Variants in NUP85 observed in about 807,000 individuals in gnomAD.
The protein encoded by NUP85 is nuclear pore complex protein Nup85.
In NUP85, 23 loss-of-function variants were observed where a neutral mutation model predicts 92.8. That is an observed-to-expected ratio of 0.25 (90% CI 0.18 to 0.35). The LOEUF is 0.35. Among genes scored for constraint, NUP85 ranks in the 10% least tolerant of loss-of-function variants. The probability of loss-of-function intolerance (pLI) is 1.00; values close to 1 mark genes in which losing one functional copy is unlikely to be tolerated. For synonymous variants in NUP85, 314 were observed against 306.9 expected (o/e 1.02, Z -0.24); for missense variants, 759 against 822.8 (o/e 0.92, Z 0.95).
chr17:75,234,134 C>T (rs191497602), intron 16 of NUP85, among the ~76,000 whole-genome samples: 251 of 151,290 alleles, frequency 1.7e-3, no homozygotes, highest in African/African-American at 5.9e-3. Flanking sequence ...TCACTGCAAC[C>T]TCCACCTCCC....
chr17:75,208,435 T>C (rs899326), intron 1 of NUP85, 92 bp from the exon 2 acceptor site: 578,035 of 740,404 alleles, frequency 0.78, 227,050 homozygotes, highest in East Asian at 0.89. Context: ...AGTGAGTCTT[T>C]GTCTCAAAAA....
chr17:75,235,555 T>C, intron 18 of NUP85, 23 bp from the exon 19 acceptor site: 2 of 1,580,732 alleles, frequency 1.3e-6, no homozygotes, highest in Non-Finnish European at 1.7e-6. Context: ...TCTTAGCTCA[T>C]GCTGGCGCTC....
At chr17:75,227,932 T>TGCCC in intron 11 of NUP85, 1 of 152,970 alleles carries the variant, frequency 6.5e-6, no homozygotes, top group East Asian at 1.9e-4. Context: ...TAAGCCACCA[T>TGCCC]GCCCGGCCTG....
Position 75,231,914 on chromosome 17 carries a change from T to C in NUP85, c.1331T>C (p.Leu444Pro). Residue 444 changes from leucine (L) to proline (P), a missense_variant, in exon 14 of 19, where the codon CTG becomes CCG. Leu to Pro is a moderately conservative substitution (Grantham distance 98). Transcript: ENST00000245544. The surrounding 1 kb of genome is among the most constrained non-coding windows in gnomAD (Gnocchi z 4.6). The stretch of plus-strand genomic sequence containing the variant: ...GAGCTGCACATTGAGCGGATACCTC[T>C]GAACACCGAGCAGAAAGCCCTGAAG... ...SLELHIERIP[L>P]NTEQKALKVL... The C allele has an allele frequency of 1.2e-6, 2 of 1,614,216 alleles. No individual in the cohort carries two copies. The highest frequency in any genetic ancestry group is 1.1e-5 in the South Asian group (1 of 91,090).
intron 11 of NUP85, chr17:75,229,098 C>T (rs1214949910): frequency 1.6e-5 from 16 of 985,336 alleles, no homozygotes; most frequent in Non-Finnish European, 1.9e-5. Flanking sequence ...TTTCCTGGTG[C>T]CCTTCAAGTC....
chr17:75,221,871 G>T (rs1401365353), intron 7 of NUP85, among the ~76,000 whole-genome samples: 1 of 152,150 alleles, frequency 6.6e-6, no homozygotes, highest in Non-Finnish European at 1.5e-5. Flanking sequence ...GTAAAAGATG[G>T]TGGTGGTGTA....
chr17:75,235,584 G>A lies in NUP85; in HGVS notation c.1876G>A (p.Asp626Asn). The change falls in exon 19 of 19, where the codon GAC (aspartate) becomes AAC (asparagine). Residue 626 changes from aspartate (D) to asparagine (N), a missense_variant. Transcript: ENST00000245544. ...ESDTEQLQDDDIETTKVEMLR... is the reference protein window; with the variant it reads ...ESDTEQLQDDNIETTKVEMLR... ...GGCGCTCTCTGCTTTGCAGGATGATGACATAGAGACCACCAAGGTGGAAAT... is the reference window on the plus strand; with the variant it reads ...GGCGCTCTCTGCTTTGCAGGATGATAACATAGAGACCACCAAGGTGGAAAT... The A allele has an allele frequency of 6.2e-7, 1 of 1,613,358 alleles. No individual in the cohort carries two copies. Among genetic ancestry groups the A allele is most frequent in the Middle Eastern group, 1.7e-4 (1 of 6,058 alleles).
intron 3 of NUP85, 109 bp from the exon 4 acceptor site, chr17:75,211,883 G>C (rs1057117750): frequency 1.2e-6 from 1 of 830,496 alleles, no homozygotes. Context: ...CTTCACAACG[G>C]CTCTCCTCTT....
At chr17:75,228,663 A>G (rs947665912) in intron 11 of NUP85, 12 of 985,302 alleles carry the variant, frequency 1.2e-5, no homozygotes, top group Non-Finnish European at 1.3e-5. Context: ...GACTTGAGCC[A>G]GTGAGCTGTT....
chr17:75,205,725 C>G lies in NUP85; in HGVS notation c.-37C>G. ...GGGAGGCCTGAGCGGGAAGCATTGG[C>G]GTCCGAGCGACTTCTAGGAGCCTGG... On this transcript the variant is annotated 5_prime_UTR_variant, in exon 1 of 19. Coordinates refer to ENST00000245544, the MANE Select transcript of NUP85 (RefSeq NM_024844.5). The G allele has an allele frequency of 6.2e-7, 1 of 1,613,842 alleles. No homozygotes were observed. Among genetic ancestry groups the G allele is most frequent in the South Asian group, 1.1e-5 (1 of 91,080 alleles).
chr17:75,213,156 T>C (rs2075324780), intron 5 of NUP85, 37 bp downstream of exon 5: 13 of 1,604,326 alleles, frequency 8.1e-6, no homozygotes, highest in Non-Finnish European at 1.1e-5. Context: ...AGCACCACTG[T>C]GTCCTGTGTC....
At position 75,231,557 on chromosome 17, in the gene NUP85, T is replaced by C. The variant is rs761461241; in HGVS notation, c.1179-16T>C. ...GCAGGCCAGGAGTCTTGGTCTTTTG[T>C]TATGTTTTATTCCAGTTTCGGTTCC... is the stretch of plus-strand genomic sequence containing the variant. On this transcript the variant is annotated splice_polypyrimidine_tract_variant and intron_variant, in intron 12 of 18. Coordinates refer to ENST00000245544, the MANE Select transcript of NUP85 (RefSeq NM_024844.5). This position sits in a 1 kb window ranked among gnomAD's most constrained non-coding sequence, Gnocchi z 4.6. 6.2e-7 allele frequency: 1 copy of C among 1,614,124 alleles called. No individual in the cohort carries two copies. Among genetic ancestry groups the C allele is most frequent in the Non-Finnish European group, 8.5e-7 (1 of 1,179,962 alleles).
In NUP85 at chr17:75,212,029, A is replaced by G; in HGVS notation, c.328A>G (p.Arg110Gly). 6.2e-7 allele frequency: 1 copy of G among 1,613,746 alleles called. No individual in the cohort carries two copies. The highest frequency in any genetic ancestry group is 8.5e-7 in the Non-Finnish European group (1 of 1,179,912). ...GAGTAAAAACTACCGATCAGTCATC[A>G]GAGCATGTATGGAGGAAATGCACCA... ...RVSKNYRSVIRACMEEMHQVA... is the reference protein window; with the variant it reads ...RVSKNYRSVIGACMEEMHQVA... Residue 110 changes from arginine to glycine, a missense_variant, in exon 4 of 19, where the codon AGA becomes GGA. Transcript: ENST00000245544.
In NUP85 at chr17:75,208,588, T is replaced by G; in HGVS notation, c.95T>G (p.Met32Arg). 6.2e-7 allele frequency: 1 copy of G among 1,608,454 alleles called. No individual in the cohort carries two copies. The highest frequency in any genetic ancestry group is 1.1e-5 in the South Asian group (1 of 90,592). ...QMYFDWGPGE[M>R]LVCETSFNKK... ...TATTTTGACTGGGGTCCAGGGGAGA[T>G]GCTGGTATGTGAAACCTCCTTCAAC... The change falls in exon 2 of 19, where the codon ATG becomes AGG. Residue 32 changes from methionine to arginine, a missense_variant. Transcript: ENST00000245544.
chr17:75,225,050 C>T, intron 7 of NUP85, 53 bp from the exon 8 acceptor site: 1 of 1,503,322 alleles, frequency 6.7e-7, no homozygotes, highest in Non-Finnish European at 8.9e-7. Flanking sequence ...CTCCTCACGC[C>T]TCGGCAGGGC....
At position 75,231,820 on chromosome 17, in the gene NUP85, C is replaced by T; in HGVS notation, c.1245-8C>T. 1 of 1,613,952 alleles carries T rather than the reference C, an allele frequency of 6.2e-7. No homozygotes were observed. Among genetic ancestry groups the T allele is most frequent in the Non-Finnish European group, 8.5e-7 (1 of 1,179,918 alleles). On this transcript the variant is annotated splice_region_variant and splice_polypyrimidine_tract_variant and intron_variant, in intron 13 of 18. Coordinates refer to ENST00000245544, the MANE Select transcript of NUP85 (RefSeq NM_024844.5). The surrounding 1 kb of genome is among the most constrained non-coding windows in gnomAD (Gnocchi z 4.6). ...CACCTCATGTCTGTCCTCCTCGAAC[C>T]TTTGCAGCCTGTGGCAGCTGGGGGT...
In NUP85 at chr17:75,231,871, C is replaced by A; in HGVS notation, c.1288C>A (p.Leu430Met). ...CGATTACTTTGATTACTGCCCCGAG[C>A]TGGGCCGAGTCTCCCTGGAGCTGCA... is the stretch of plus-strand genomic sequence containing the variant. ...GVDYFDYCPELGRVSLELHIE... is the reference protein window; with the variant it reads ...GVDYFDYCPEMGRVSLELHIE... The change falls in exon 14 of 19, where the codon CTG (leucine) becomes ATG (methionine). Residue 430 changes from leucine to methionine, a missense_variant. Leu to Met is a conservative substitution (Grantham distance 15). Coordinates refer to ENST00000245544, the MANE Select transcript of NUP85 (RefSeq NM_024844.5). This position sits in a 1 kb window ranked among gnomAD's most constrained non-coding sequence, Gnocchi z 4.6. 1 of 1,614,204 alleles carries A rather than the reference C, an allele frequency of 6.2e-7. No individual in the cohort carries two copies. The highest frequency in any genetic ancestry group is 8.5e-7 in the Non-Finnish European group (1 of 1,180,026).
At position 75,225,669 on chromosome 17, in the gene NUP85, C is replaced by CA. The variant is rs770814242; in HGVS notation, c.856-28dup. On this transcript the variant is annotated intron_variant, in intron 9 of 18. Transcript: ENST00000245544. Reference sequence around the variant, plus strand: ...GGAGAAGGTACCCCTGAGAGGAGGACAGAGTTCAGCACAAATGTCTCTCCT... The same window carrying CA: ...GGAGAAGGTACCCCTGAGAGGAGGACAAGAGTTCAGCACAAATGTCTCTCCT... 13 of 1,613,058 alleles carry CA rather than the reference C, an allele frequency of 8.1e-6. No homozygotes were observed. In the South Asian group the frequency reaches 1.1e-4, roughly 14 times the overall value.
intron 3 of NUP85, 112 bp downstream of exon 3, chr17:75,210,097 T>G: frequency 9.4e-7 from 1 of 1,065,134 alleles, no homozygotes; most frequent in East Asian, 2.6e-5. Flanking sequence ...AATAAGAGAC[T>G]CCTGGTTCTA....
Sources: allele counts gnomAD v4.1 joint callset (sites outside exome capture counted in the v4.1 genomes callset), GRCh38; gene constraint gnomAD v4.1.1; non-coding constraint Gnocchi (gnomAD v3.1); transcripts MANE v1.5; gene names NCBI Gene and HGNC (gene_info 2026-07-23, HGNC 2026-07-21).